CBFA2T3: variants seen among roughly 807,000 people sequenced by gnomAD.
CBFA2T3 encodes the protein transcriptional corepressor CBFA2T3.
CBFA2T3 carries 31 observed loss-of-function variants against 58.6 expected under a neutral mutation model. The observed-to-expected ratio is 0.53, with a 90% CI of 0.40 to 0.71. CBFA2T3 has a LOEUF of 0.71. Ranked by LOEUF, CBFA2T3 falls within the 30% of genes least tolerant of loss-of-function variation. The pLI, the probability that CBFA2T3 is intolerant of heterozygous loss-of-function variation, is 0.00. For missense variants in CBFA2T3, 1,076 were observed against 963.1 expected, an observed-to-expected ratio of 1.12 and a Z score of -1.55; for synonymous variants, 531 against 421.9, an observed-to-expected ratio of 1.26 and a Z score of -3.17.
At chr16:88,932,627 A>T (rs1256040088) in intron 1 of CBFA2T3, among the ~76,000 whole-genome samples, 3 of 151,340 alleles carry the variant, frequency 2.0e-5, no homozygotes, top group African/African-American at 7.3e-5. Context: ...AGCCTGAGCG[A>T]TAGAGGGAGA....
At chr16:88,959,551 G>A (rs540383115) in intron 1 of CBFA2T3, among the ~76,000 whole-genome samples, 5 of 152,280 alleles carry the variant, frequency 3.3e-5, no homozygotes, top group East Asian at 1.9e-4. Context: ...AAAGCCAGGC[G>A]CAGTAGAGAA....
intron 3 of CBFA2T3, among the ~76,000 whole-genome samples, chr16:88,897,040 C>A (rs545567552): frequency 6.6e-6 from 1 of 152,262 alleles, no homozygotes; most frequent in African/African-American, 2.4e-5. Flanking sequence ...CGAGCACCCC[C>A]GCGGCTCCCC....
intron 1 of CBFA2T3, among the ~76,000 whole-genome samples, chr16:88,935,742 A>G (rs755232008): frequency 9.9e-5 from 15 of 152,212 alleles, no homozygotes; most frequent in Non-Finnish European, 1.9e-4. Context: ...ATCATGCCGC[A>G]TCCACCACTG....
At chr16:88,882,432 T>G (rs1249464186) in intron 8 of CBFA2T3, among the ~76,000 whole-genome samples, 1 of 149,710 alleles carries the variant, frequency 6.7e-6, no homozygotes, top group African/African-American at 2.5e-5. Flanking sequence ...TGGCTGTGTG[T>G]GGGTGTGGCT....
In CBFA2T3 at chr16:88,969,376, C is replaced by T. The variant is rs115750073; in HGVS notation, c.151+7281G>A. 4.9e-3 allele frequency among the ~76,000 whole-genome samples: 753 copies of T among 152,364 alleles called. 6 individuals are homozygous for T. The highest frequency in any genetic ancestry group is 0.017 in the African/African-American group (726 of 41,590). ...TGGGCTCCCTCCCGGCTGGTGCCTC[C>T]TGGCCTTGGCAGGGGTGGGAGGCCT... On this transcript the variant is annotated intron_variant, in intron 1 of 11. Coordinates refer to ENST00000268679, the MANE Select transcript of CBFA2T3 (RefSeq NM_005187.6).
intron 1 of CBFA2T3, among the ~76,000 whole-genome samples, chr16:88,970,357 G>A (rs1308125911): frequency 3.9e-5 from 6 of 152,166 alleles, no homozygotes; most frequent in African/African-American, 7.2e-5. Context: ...CTGAGGGCGC[G>A]GCTCTCGTCT....
chr16:88,890,756 G>A (rs945450156), intron 5 of CBFA2T3, among the ~76,000 whole-genome samples: 5 of 151,478 alleles, frequency 3.3e-5, no homozygotes, highest in African/African-American at 9.8e-5. Flanking sequence ...TTGCTCTGTC[G>A]CCCAGGCTGG....
At position 88,892,440 on chromosome 16, in the gene CBFA2T3, G is replaced by A. The variant is rs774714666; in HGVS notation, c.425C>T (p.Pro142Leu). ...ATTGCTGAAGCCGTTGGGTGTGCACGGTGCACCATTGATGGCTGTTGGTGA... is the reference window on the plus strand; with the variant it reads ...ATTGCTGAAGCCGTTGGGTGTGCACAGTGCACCATTGATGGCTGTTGGTGA... ...SHSPTAINGA[P>L]CTPNGFSNGP... Residue 142 changes from proline (P) to leucine (L), a missense_variant, in exon 4 of 12, where the codon CCG becomes CTG. By Grantham distance (98) the Pro-to-Leu change is moderately conservative (BLOSUM62 -3). Transcript: ENST00000268679. The A allele has an allele frequency of 1.3e-5, 21 of 1,613,152 alleles. 1 individual carries two copies. The highest frequency in any genetic ancestry group is 1.1e-4 in the African/African-American group (8 of 74,934).
intron 1 of CBFA2T3, among the ~76,000 whole-genome samples, chr16:88,940,778 C>T (rs1971693986): frequency 6.6e-6 from 1 of 152,172 alleles, no homozygotes; most frequent in Non-Finnish European, 1.5e-5. Flanking sequence ...ACTCCCAGCG[C>T]CCGGGCGCGT....
rs1016145553 is a variant in CBFA2T3 at position 88,877,635 on chromosome 16, C to T, written c.1663-360G>A. ...TTGAGGCTGCTGAGATCTCACCATC[C>T]GCCTCTGCTGCATCCACACCCACCC... is the stretch of plus-strand genomic sequence containing the variant. On this transcript the variant is annotated intron_variant, in intron 11 of 11. Coordinates refer to ENST00000268679, the MANE Select transcript of CBFA2T3 (RefSeq NM_005187.6). 4.6e-5 allele frequency among the ~76,000 whole-genome samples: 7 copies of T among 152,300 alleles called. No individual in the cohort carries two copies. The East Asian group carries it at 7.7e-4, about 17-fold the overall frequency.
intron 1 of CBFA2T3, among the ~76,000 whole-genome samples, chr16:88,934,050 G>T (rs1436296023): frequency 6.6e-6 from 1 of 152,216 alleles, no homozygotes; most frequent in African/African-American, 2.4e-5. Context: ...CATTAATTTT[G>T]CCCGGTCTCT....
At chr16:88,880,896 G>C in intron 9 of CBFA2T3, 108 bp from the exon 10 acceptor site, 4 of 1,037,444 alleles carry the variant, frequency 3.9e-6, no homozygotes, top group Non-Finnish European at 5.8e-6. Context: ...GAGTGTGTGC[G>C]TCCCTGGGGG....
chr16:88,907,188 G>A lies in CBFA2T3; in HGVS notation c.152-5532C>T, dbSNP rs376475775. On this transcript the variant is annotated intron_variant, in intron 1 of 11. Transcript: ENST00000268679. The stretch of plus-strand genomic sequence containing the variant: ...CCACATGTATTTTCAAACAGCTCCC[G>A]AGGCCCAGCGCTGCCCGTGCAGAAG... 1.9e-4 allele frequency among the ~76,000 whole-genome samples: 29 copies of A among 152,318 alleles called. No homozygotes were observed. The East Asian group carries it at 4.2e-3, about 22-fold the overall frequency.
At chr16:88,914,260 G>C (rs1970618337) in intron 1 of CBFA2T3, among the ~76,000 whole-genome samples, 1 of 152,244 alleles carries the variant, frequency 6.6e-6, no homozygotes, top group Non-Finnish European at 1.5e-5. Context: ...GTCAGGAATG[G>C]TGGCCACCCT....
chr16:88,911,011 T>C (rs531830561), intron 1 of CBFA2T3, among the ~76,000 whole-genome samples: 3 of 152,334 alleles, frequency 2.0e-5, no homozygotes, highest in African/African-American at 7.2e-5. Flanking sequence ...CCTTCCTGCC[T>C]GGCGAATAAG....
intron 1 of CBFA2T3, among the ~76,000 whole-genome samples, chr16:88,911,333 AACTG>A (rs1457022868): frequency 6.6e-6 from 1 of 152,236 alleles, no homozygotes; most frequent in Non-Finnish European, 1.5e-5. Flanking sequence ...CCGCTGTGTG[AACTG>A]ACTGTGAACT....
At chr16:88,939,707 G>A (rs1438409461) in intron 1 of CBFA2T3, 1 of 152,302 alleles carries the variant, frequency 6.6e-6, no homozygotes, top group African/African-American at 2.4e-5. Flanking sequence ...CCCGACCCCA[G>A]AGGCACACAG....
At chr16:88,974,689 G>C (rs1038649131) in intron 1 of CBFA2T3, among the ~76,000 whole-genome samples, 1 of 152,170 alleles carries the variant, frequency 6.6e-6, no homozygotes, top group African/African-American at 2.4e-5. Context: ...AGGAACTCTT[G>C]GGAGGCCTGT....
chr16:88,926,971 G>A (rs1262381701), intron 1 of CBFA2T3, among the ~76,000 whole-genome samples: 2 of 152,042 alleles, frequency 1.3e-5, no homozygotes, highest in African/African-American at 2.4e-5. Flanking sequence ...TGGAGGTGGC[G>A]GCACACTCCT....
Sources: allele counts gnomAD v4.1 joint callset (sites outside exome capture counted in the v4.1 genomes callset), GRCh38; gene constraint gnomAD v4.1.1; transcripts MANE v1.5; gene names NCBI Gene and HGNC (gene_info 2026-07-23, HGNC 2026-07-21).